RTN1: variants seen among roughly 807,000 people sequenced by gnomAD.
The protein encoded by RTN1 is reticulon-1.
RTN1 carries 25 observed loss-of-function variants against 65.5 expected under a neutral mutation model. That is an observed-to-expected ratio of 0.38 (90% CI 0.28 to 0.53). The LOEUF (loss-of-function observed/expected upper bound fraction) is 0.53, where lower values mean the gene tolerates loss of function less well. RTN1 is among the 20% of genes least tolerant of loss of function. The probability of loss-of-function intolerance (pLI) is 0.79; values close to 1 mark genes in which losing one functional copy is unlikely to be tolerated. For synonymous variants in RTN1, 471 were observed against 447.6 expected, an observed-to-expected ratio of 1.05 and a Z score of -0.66; for missense variants, 983 against 1,025.4, an observed-to-expected ratio of 0.96 and a Z score of 0.57.
At chr14:59,749,636 TATC>T (rs1885380311) in intron 1 of RTN1, among the ~76,000 whole-genome samples, 2 of 62,452 alleles carry the variant, frequency 3.2e-5, no homozygotes, top group Non-Finnish European at 5.1e-5. Context: ...TATATATAGA[TATC>T]TATATATATT....
intron 2 of RTN1, among the ~76,000 whole-genome samples, chr14:59,743,707 C>G (rs891760739): frequency 7.2e-6 from 1 of 138,420 alleles, no homozygotes; most frequent in Non-Finnish European, 1.5e-5. Flanking sequence ...ACTGGAAGGG[C>G]ACCCTTCCCT....
chr14:59,837,223 T>C (rs893191178), intron 1 of RTN1, among the ~76,000 whole-genome samples: 1 of 152,004 alleles, frequency 6.6e-6, no homozygotes, highest in Non-Finnish European at 1.5e-5. Flanking sequence ...AATTACAGGA[T>C]AATAAATAAT....
In RTN1 at chr14:59,870,393, T is replaced by C; in HGVS notation, c.238A>G (p.Thr80Ala). Residue 80 changes from threonine to alanine, a missense_variant, in exon 1 of 9, where the codon ACA becomes GCA. Coordinates refer to ENST00000267484, the MANE Select transcript of RTN1 (RefSeq NM_021136.3). This position sits in a 1 kb window ranked among gnomAD's most constrained non-coding sequence, Gnocchi z 5.1. Reference protein sequence around the residue: ...QSPVAMETASTGVAGVSSAMD... With the variant: ...QSPVAMETASAGVAGVSSAMD... ...GGGGCAGCGGCGCCCGCCTTACCTG[T>C]GGATGCAGTTTCCATGGCAACGGGC... 4 of 1,522,358 alleles carry C rather than the reference T, an allele frequency of 2.6e-6. No individual in the cohort carries two copies. Among genetic ancestry groups the C allele is most frequent in the Non-Finnish European group, 3.5e-6 (4 of 1,146,852 alleles). The allele number at this position is 1,522,358 out of a possible 1,614,324, so 94.3% of individuals were successfully genotyped here.
At chr14:59,720,599 T>G (rs1884626331) in intron 3 of RTN1, among the ~76,000 whole-genome samples, 1 of 152,074 alleles carries the variant, frequency 6.6e-6, no homozygotes, top group South Asian at 2.1e-4. Flanking sequence ...GGTGCATGCC[T>G]GTAGTCCCAA....
At chr14:59,643,832 G>A (rs529522486) in intron 3 of RTN1, among the ~76,000 whole-genome samples, 1 of 151,766 alleles carries the variant, frequency 6.6e-6, no homozygotes, top group South Asian at 2.1e-4. Flanking sequence ...TTAACCAAAT[G>A]TTCAATTTTC....
intron 3 of RTN1, among the ~76,000 whole-genome samples, chr14:59,700,596 A>G (rs1035980265): frequency 3.3e-5 from 5 of 152,174 alleles, no homozygotes; most frequent in African/African-American, 1.2e-4. Context: ...ATTTTTGGCC[A>G]GGGTGACAAG....
intron 1 of RTN1, among the ~76,000 whole-genome samples, chr14:59,837,621 T>A (rs1394666859): frequency 1.3e-5 from 2 of 152,034 alleles, no homozygotes; most frequent in South Asian, 4.1e-4. Context: ...TGATCTGAAC[T>A]AAGAATTCAT....
rs1189541275 is a variant in RTN1 at position 59,727,540 on chromosome 14, C to A, written c.1144G>T (p.Asp382Tyr). The A allele has an allele frequency of 1.2e-6, 2 of 1,609,430 alleles. No individual in the cohort carries two copies. The highest frequency in any genetic ancestry group is 1.7e-6 in the Non-Finnish European group (2 of 1,178,588). The change falls in exon 3 of 9, where the codon GAC becomes TAC. Residue 382 changes from aspartate to tyrosine, a missense_variant. Physicochemically the swap from Asp to Tyr is radical, Grantham distance 160. Coordinates refer to ENST00000267484, the MANE Select transcript of RTN1 (RefSeq NM_021136.3). This position sits in a 1 kb window ranked among gnomAD's most constrained non-coding sequence, Gnocchi z 4.2. ...ENPRPVGQLA[D>Y]RPEVKARSGP... ...GACCTGGCCTTGACCTCGGGCCTGT[C>A]GGCCAGCTGGCCCACCGGCCGTGGG...
At chr14:59,636,701 C>A (rs1410249375) in intron 3 of RTN1, among the ~76,000 whole-genome samples, 2 of 152,138 alleles carry the variant, frequency 1.3e-5, no homozygotes, top group Non-Finnish European at 2.9e-5. Flanking sequence ...TTTGAGACCA[C>A]TACAATGAAG....
intron 1 of RTN1, among the ~76,000 whole-genome samples, chr14:59,754,650 C>T (rs2139534353): frequency 6.6e-6 from 1 of 152,324 alleles, no homozygotes; most frequent in Middle Eastern, 3.4e-3. Context: ...TTGCCTGATA[C>T]ATCGAACACA....
intron 1 of RTN1, among the ~76,000 whole-genome samples, chr14:59,750,092 T>C (rs1885419953): frequency 1.7e-5 from 1 of 57,398 alleles, no homozygotes; most frequent in African/African-American, 1.2e-4. Context: ...TAGACATATA[T>C]ATTATATATT....
At chr14:59,680,491 A>C (rs1267196620) in intron 3 of RTN1, among the ~76,000 whole-genome samples, 1 of 152,248 alleles carries the variant, frequency 6.6e-6, no homozygotes, top group African/African-American at 2.4e-5. Context: ...TCACTGAATA[A>C]AATACAAGGT....
intron 3 of RTN1, among the ~76,000 whole-genome samples, chr14:59,640,377 C>T (rs1046769126): frequency 3.9e-5 from 6 of 152,018 alleles, no homozygotes; most frequent in South Asian, 2.1e-4. Context: ...AGTGCAGTGG[C>T]GTGATCTCAG....
intron 3 of RTN1, among the ~76,000 whole-genome samples, chr14:59,719,351 G>A (rs1884601810): frequency 6.6e-6 from 1 of 152,114 alleles, no homozygotes; most frequent in Non-Finnish European, 1.5e-5. Flanking sequence ...ACCAGCTCTT[G>A]CCACAGTTGA....
At chr14:59,751,658 C>T (rs2139529710) in intron 1 of RTN1, among the ~76,000 whole-genome samples, 1 of 152,260 alleles carries the variant, frequency 6.6e-6, no homozygotes, top group East Asian at 1.9e-4. Context: ...GGCTGTATCT[C>T]AGTCATTATC....
At chr14:59,808,068 T>C (rs115778276) in intron 1 of RTN1, among the ~76,000 whole-genome samples, 1,852 of 152,300 alleles carry the variant, frequency 0.012, 35 homozygotes, top group African/African-American at 0.041. Flanking sequence ...CTGTAAATGA[T>C]TAGGAAAGAC....
chr14:59,667,906 G>A (rs1883414852), intron 3 of RTN1, among the ~76,000 whole-genome samples: 1 of 152,106 alleles, frequency 6.6e-6, no homozygotes, highest in Admixed American at 6.6e-5. Flanking sequence ...GGGATGTGAA[G>A]GACCTCTTCA....
chr14:59,644,656 C>T (rs992559473), intron 3 of RTN1, among the ~76,000 whole-genome samples: 7 of 152,198 alleles, frequency 4.6e-5, no homozygotes, highest in African/African-American at 1.7e-4. Flanking sequence ...TTCCATGGTA[C>T]CTCACAGGAC....
intron 2 of RTN1, among the ~76,000 whole-genome samples, chr14:59,742,377 GGCATTT>G (rs1566707285): frequency 6.6e-6 from 1 of 152,114 alleles, no homozygotes; most frequent in South Asian, 2.1e-4. Flanking sequence ...GGGGCATCAG[GGCATTT>G]ATTATGTTTT....
Sources: gnomAD v4.1 joint callset for allele counts (sites outside exome capture counted in the v4.1 genomes callset) on GRCh38, gnomAD v4.1.1 for gene constraint, Gnocchi (gnomAD v3.1) non-coding constraint, MANE v1.5 for transcripts, NCBI Gene and HGNC (gene_info 2026-07-23, HGNC 2026-07-21) for gene names.